The following TPTE2 variants were observed in gnomAD, a reference collection of about 807,000 sequenced individuals.
TPTE2 encodes transmembrane phosphoinositide 3-phosphatase and tensin homolog 2, also known as phosphatidylinositol 3,4,5-trisphosphate 3-phosphatase TPTE2.
TPTE2 carries 53 observed loss-of-function variants against 78.6 expected under a neutral mutation model. The observed-to-expected ratio is 0.67, with a 90% CI of 0.54 to 0.85. The LOEUF (loss-of-function observed/expected upper bound fraction) is 0.85. Ranked by LOEUF, TPTE2 falls within the 40% of genes least tolerant of loss-of-function variation. The pLI is 0.00. For synonymous variants in TPTE2, 175 were observed against 206.2 expected (o/e 0.85, Z 1.30); for missense variants, 461 against 623.0 (o/e 0.74, Z 2.77).
chr13:19,493,180 C>CA (rs71092367), intron 2 of TPTE2, among the ~76,000 whole-genome samples: 1,592 of 147,576 alleles, frequency 0.011, 24 homozygotes, highest in African/African-American at 0.037. Context: ...AACTCTGTTA[C>CA]AAAAAAAAAA....
chr13:19,430,483 TG>T lies in TPTE2; in HGVS notation c.1286del (p.Ser429TyrfsTer2), dbSNP rs1876488136. 1 of 1,611,024 alleles carries T rather than the reference TG, an allele frequency of 6.2e-7. No homozygotes were observed. Among genetic ancestry groups the T allele is most frequent in the African/African-American group, 1.3e-5 (1 of 74,888 alleles). On this transcript the variant is annotated frameshift_variant, in exon 17 of 20. Coordinates refer to ENST00000400230, the Ensembl canonical transcript of TPTE2. LOFTEE classifies it high-confidence loss of function. The stretch of plus-strand genomic sequence containing the variant: ...TTTCTCTTACCGAACAATTTCCTAA[TG>T]AAGTACTGGAAAAGACAACCTTTTT...
rs866012869 is a variant in TPTE2, at chr13:19,502,654, A to G, written c.11+570T>C. On this transcript the variant is annotated intron_variant, in intron 1 of 19. Transcript: ENST00000400230. ...CACACTCTGGGGACTGTTGTGGGGT[A>G]GGGGGAGGGGGGAGGGATAGCACTG... Among the ~76,000 whole-genome samples, 642 of 73,128 alleles carry G rather than the reference A, an allele frequency of 8.8e-3. 4 individuals are homozygous for G. The highest frequency in any genetic ancestry group is 0.02 in the Middle Eastern group (3 of 152). The allele number at this position is 73,128 out of a possible 152,430, so 48.0% of individuals were successfully genotyped here. A position where few individuals can be genotyped will look rare whatever the true frequency, so the allele number is the denominator to read the frequency against.
At chr13:19,475,577 A>G (rs1555252384) in exon 5 of TPTE2, 1 of 1,608,082 alleles carries the variant, frequency 6.2e-7, no homozygotes, top group Admixed American at 1.7e-5. Context: ...ACATACCCAA[A>G]TGCAAAGGAT....
At chr13:19,449,525 G>A (rs886740024) in intron 13 of TPTE2, among the ~76,000 whole-genome samples, 23 of 152,270 alleles carry the variant, frequency 1.5e-4, no homozygotes, top group Non-Finnish European at 2.8e-4. Context: ...AGTGACCACA[G>A]TTAATAATAA....
intron 4 of TPTE2, among the ~76,000 whole-genome samples, chr13:19,476,533 G>T (rs1879949001): frequency 6.6e-6 from 1 of 151,914 alleles, no homozygotes; most frequent in Admixed American, 6.6e-5. Flanking sequence ...GAGCAGAACT[G>T]GGGCACTGAC....
chr13:19,439,987 GC>G (rs1428828074), intron 13 of TPTE2, among the ~76,000 whole-genome samples: 1 of 152,196 alleles, frequency 6.6e-6, no homozygotes, highest in African/African-American at 2.4e-5. Context: ...TTACTGGCAT[GC>G]CCTAGAGAGA....
At chr13:19,465,499 T>A in exon 8 of TPTE2, 1 of 1,610,728 alleles carries the variant, frequency 6.2e-7, no homozygotes, top group Non-Finnish European at 8.5e-7. Context: ...TTGTCTTTTT[T>A]GATGAAGCAG....
Position 19,472,388 on chromosome 13 carries a change from A to C in TPTE2, c.392+1526T>G, listed in dbSNP as rs1593379067. Among the ~76,000 whole-genome samples, 4 of 152,284 alleles carry C rather than the reference A, an allele frequency of 2.6e-5. No individual in the cohort carries two copies. In the East Asian group the frequency reaches 7.7e-4, roughly 29 times the overall value. ...TTGTCTCCTCTATGTATTTTGAAAT[A>C]GCCTGTCTTCAAGCTCATTAATTCT... is the stretch of plus-strand genomic sequence containing the variant. On this transcript the variant is annotated intron_variant, in intron 6 of 19. Coordinates refer to ENST00000400230, the Ensembl canonical transcript of TPTE2.
chr13:19,487,786 T>A (rs1042019355), intron 3 of TPTE2, among the ~76,000 whole-genome samples: 16 of 152,172 alleles, frequency 1.1e-4, no homozygotes, highest in Admixed American at 1.0e-3. Context: ...GGTCTCAAGA[T>A]GGTGCTGTGT....
At chr13:19,523,205 A>C (rs1870278567) in intron 1 of TPTE2, among the ~76,000 whole-genome samples, 1 of 152,028 alleles carries the variant, frequency 6.6e-6, no homozygotes, top group Non-Finnish European at 1.5e-5. Flanking sequence ...TTTCACCAAG[A>C]TTGTAGGATG....
chr13:19,479,103 A>G (rs1240839916), intron 4 of TPTE2, among the ~76,000 whole-genome samples: 4 of 152,222 alleles, frequency 2.6e-5, no homozygotes, highest in South Asian at 2.1e-4. Flanking sequence ...GCACATGCAT[A>G]AATATGTAAC....
chr13:19,522,619 C>CTTTTTTTTTTTTTTTTTTTTT (rs57248346), intron 1 of TPTE2, among the ~76,000 whole-genome samples: 1 of 121,648 alleles, frequency 8.2e-6, no homozygotes. Context: ...CTTTTTTTTT[C>CTTTTTTTTTTTTTTTTTTTTT]TTTTTTTTTT....
chr13:19,446,181 T>C (rs1417842795), intron 13 of TPTE2, among the ~76,000 whole-genome samples: 1 of 152,214 alleles, frequency 6.6e-6, no homozygotes, highest in African/African-American at 2.4e-5. Flanking sequence ...AAATTCAATG[T>C]AGTTCCAATA....
chr13:19,506,211 G>T (rs1323581850), upstream of TPTE2, among the ~76,000 whole-genome samples: 1 of 95,760 alleles, frequency 1.0e-5, no homozygotes, highest in East Asian at 3.4e-4. Flanking sequence ...TCGCTCTGTC[G>T]CCCAGGCTGG....
intron 10 of TPTE2, among the ~76,000 whole-genome samples, chr13:19,462,630 C>A (rs1267305076): frequency 1.3e-5 from 2 of 151,626 alleles, no homozygotes; most frequent in Non-Finnish European, 2.9e-5. Context: ...GCAACCTCCA[C>A]CTCCTGGGTT....
At chr13:19,481,498 A>G (rs990158280) in intron 4 of TPTE2, among the ~76,000 whole-genome samples, 1 of 152,226 alleles carries the variant, frequency 6.6e-6, no homozygotes, top group African/African-American at 2.4e-5. Context: ...CTGGTATGAA[A>G]CACCAGCATT....
In TPTE2 at chr13:19,469,539, T is replaced by C. The variant is rs181276563; in HGVS notation, c.393-2195A>G. The stretch of plus-strand genomic sequence containing the variant: ...TGAGGCTCCATATAAATTTTAAGAT[T>C]GTTTCTTCTATTTCTGTGAAGAATG... On this transcript the variant is annotated intron_variant, in intron 6 of 19. Coordinates refer to ENST00000400230, the Ensembl canonical transcript of TPTE2. Among the ~76,000 whole-genome samples, 49 of 152,310 alleles carry C rather than the reference T, an allele frequency of 3.2e-4. 1 individual carries two copies. The highest frequency in any genetic ancestry group is 9.2e-4 in the Admixed American group (14 of 15,286).
the TPTE2 span, chr13:19,561,368 A>C: frequency 2.1e-6 from 1 of 486,972 alleles, no homozygotes; most frequent in Non-Finnish European, 3.5e-6. Context: ...CCACTCTAAT[A>C]TTCCCGCTGT....
intron 15 of TPTE2, among the ~76,000 whole-genome samples, chr13:19,433,147 C>T (rs9513077): frequency 0.89 from 134,795 of 152,100 alleles, 61,051 homozygotes; most frequent in East Asian, 1. Flanking sequence ...CTGTTCACAA[C>T]GGCTCTCCCC....
Sources: gnomAD v4.1 joint callset for allele counts (sites outside exome capture counted in the v4.1 genomes callset) on GRCh38, gnomAD v4.1.1 for gene constraint, MANE v1.5 for transcripts, NCBI Gene and HGNC (gene_info 2026-07-23, HGNC 2026-07-21) for gene names.